EPN2: variants seen among roughly 807,000 people sequenced by gnomAD.
The protein encoded by EPN2 is epsin 2, also known as epsin-2.
Under a neutral mutation model 61.7 loss-of-function variants are expected in EPN2, and 34 were observed. That is an observed-to-expected ratio of 0.55 (90% CI 0.42 to 0.73). The LOEUF (loss-of-function observed/expected upper bound fraction) is 0.73. Ranked by LOEUF, EPN2 falls within the 30% of genes least tolerant of loss-of-function variation. EPN2 has a pLI of 0.00. For synonymous variants in EPN2, 349 were observed against 353.6 expected (o/e 0.99, Z 0.15); for missense variants, 714 against 839.2 (o/e 0.85, Z 1.84).
chr17:19,284,603 C>G (rs767114777), intron 3 of EPN2, among the ~76,000 whole-genome samples: 1 of 152,170 alleles, frequency 6.6e-6, no homozygotes, highest in Non-Finnish European at 1.5e-5. Context: ...AAGTGCAGAT[C>G]CCTAGTAACA....
At chr17:19,270,368 A>G (rs944544884) in intron 1 of EPN2, among the ~76,000 whole-genome samples, 2 of 152,204 alleles carry the variant, frequency 1.3e-5, no homozygotes, top group African/African-American at 4.8e-5. Context: ...ATGGTTTTGA[A>G]CAGGTTGTGT....
At chr17:19,294,325 G>A (rs1363886712) in intron 4 of EPN2, among the ~76,000 whole-genome samples, 1 of 152,164 alleles carries the variant, frequency 6.6e-6, no homozygotes, top group Non-Finnish European at 1.5e-5. Context: ...GGGCTGAGGT[G>A]GGAGGAATCG....
rs369549883 is a variant in EPN2 at position 19,326,321 on chromosome 17, G to A, written c.1148-2390G>A. ...ACAGAAGAGCAGAGGGCCAAGAATA[G>A]CCAAAACAAGATTGTGATTTGCTGT... On this transcript the variant is annotated intron_variant, in intron 7 of 10. Transcript: ENST00000314728. 2.6e-5 allele frequency among the ~76,000 whole-genome samples: 4 copies of A among 152,256 alleles called. No individual in the cohort carries two copies. In the East Asian group the frequency reaches 7.7e-4, roughly 29 times the overall value.
At chr17:19,266,442 GC>G (rs1275434406) in intron 1 of EPN2, among the ~76,000 whole-genome samples, 1 of 148,168 alleles carries the variant, frequency 6.7e-6, no homozygotes, top group Non-Finnish European at 1.5e-5. Context: ...TCGCTCTGTC[GC>G]CCAGGCTGGA....
At chr17:19,263,992 A>T (rs2045170625) in intron 1 of EPN2, among the ~76,000 whole-genome samples, 1 of 152,186 alleles carries the variant, frequency 6.6e-6, no homozygotes, top group South Asian at 2.1e-4. Flanking sequence ...CTCTCGGCAC[A>T]AGTTTCTAAA....
chr17:19,274,854 C>G (rs557234171), intron 1 of EPN2, among the ~76,000 whole-genome samples: 1 of 122,998 alleles, frequency 8.1e-6, no homozygotes, highest in South Asian at 3.2e-4. Context: ...GGGCATAACC[C>G]TAGCCTTGGA....
intron 1 of EPN2, among the ~76,000 whole-genome samples, chr17:19,254,275 C>T (rs1847590826): frequency 6.6e-6 from 1 of 152,028 alleles, no homozygotes; most frequent in Admixed American, 6.6e-5. Context: ...TGTAACAGAG[C>T]TCACGCCTGT....
chr17:19,269,999 T>C (rs940332040), intron 1 of EPN2, among the ~76,000 whole-genome samples: 1 of 152,176 alleles, frequency 6.6e-6, no homozygotes, highest in African/African-American at 2.4e-5. Flanking sequence ...CTACAAAGAA[T>C]GAGAATAAGA....
intron 4 of EPN2, among the ~76,000 whole-genome samples, chr17:19,294,560 CTG>C (rs575046704): frequency 8.7e-4 from 132 of 152,278 alleles, no homozygotes; most frequent in Admixed American, 6.2e-3. Flanking sequence ...TGTTTATAAA[CTG>C]TCAATAAGTG....
intron 9 of EPN2, among the ~76,000 whole-genome samples, chr17:19,331,368 C>A (rs1276279301): frequency 1.3e-5 from 2 of 152,174 alleles, no homozygotes; most frequent in Admixed American, 1.3e-4. Context: ...CGTGAAGCAT[C>A]CCGTCGTGGC....
Position 19,285,503 on chromosome 17 carries a change from C to G in EPN2, c.596-117C>G. On this transcript the variant is annotated intron_variant, in intron 3 of 10. Transcript: ENST00000314728. The surrounding 1 kb of genome is among the most constrained non-coding windows in gnomAD (Gnocchi z 4.5). ...TCAGTGGGCTTTTCACAGCTTCCAC[C>G]GCAGTGGGCTGCGGGGTTGACCCCG... 1 of 1,340,236 alleles carries G rather than the reference C, an allele frequency of 7.5e-7. No homozygotes were observed. The highest frequency in any genetic ancestry group is 9.6e-7 in the Non-Finnish European group (1 of 1,044,376). The allele number at this position is 1,340,236 out of a possible 1,614,324, so 83.0% of individuals were successfully genotyped here.
At chr17:19,324,923 C>T (rs1257211691) in intron 7 of EPN2, among the ~76,000 whole-genome samples, 1 of 152,134 alleles carries the variant, frequency 6.6e-6, no homozygotes, top group Non-Finnish European at 1.5e-5. Flanking sequence ...AATGAAACAG[C>T]ATAACTGCCG....
chr17:19,323,257 A>G (rs558954471), intron 7 of EPN2, among the ~76,000 whole-genome samples: 2 of 152,232 alleles, frequency 1.3e-5, no homozygotes, highest in Non-Finnish European at 2.9e-5. Context: ...AGGAAGAGAA[A>G]ATAAGAGGGC....
At chr17:19,333,856 C>T (rs1985577297) in intron 10 of EPN2, 100 bp from the exon 11 acceptor site, 10 of 1,001,604 alleles carry the variant, frequency 1.0e-5, no homozygotes, top group Non-Finnish European at 1.4e-5. Context: ...GCTCTGAGGG[C>T]ACAGCAGGGA....
chr17:19,316,563 T>C (rs532382110), intron 7 of EPN2, among the ~76,000 whole-genome samples: 1 of 152,386 alleles, frequency 6.6e-6, no homozygotes, highest in East Asian at 1.9e-4. Flanking sequence ...AATTCCAATA[T>C]GGAGAGATAG....
chr17:19,237,663 C>G (rs959490590), intron 1 of EPN2, 132 bp downstream of exon 1: 2 of 152,362 alleles, frequency 1.3e-5, no homozygotes, highest in Non-Finnish European at 2.9e-5. Flanking sequence ...GCATGCGCCC[C>G]TGCCGCCCCG....
chr17:19,295,246 T>G (rs1176385248), intron 4 of EPN2, among the ~76,000 whole-genome samples: 1 of 151,988 alleles, frequency 6.6e-6, no homozygotes, highest in Non-Finnish European at 1.5e-5. Flanking sequence ...CATGCATGAG[T>G]GCTAAATAAG....
rs149094904 is a variant in EPN2 at position 19,306,413 on chromosome 17, T to G, written c.767-3472T>G. On this transcript the variant is annotated intron_variant, in intron 4 of 10. Coordinates refer to ENST00000314728, the MANE Select transcript of EPN2 (RefSeq NM_014964.5). ...TGTTCAATGGTTGGTGGCCAAGAAT[T>G]CTGCCATCTGCAGAACTGAAAGCTG... is the stretch of plus-strand genomic sequence containing the variant. 1.3e-3 allele frequency among the ~76,000 whole-genome samples: 195 copies of G among 152,370 alleles called. 2 individuals carry two copies. The highest frequency in any genetic ancestry group is 4.5e-3 in the African/African-American group (187 of 41,586).
intron 7 of EPN2, among the ~76,000 whole-genome samples, chr17:19,321,880 C>A (rs1474010209): frequency 6.6e-6 from 1 of 152,174 alleles, no homozygotes; most frequent in African/African-American, 2.4e-5. Flanking sequence ...CTTCGGCTTG[C>A]AGTCAGCTCT....
Sources: gnomAD v4.1 joint callset for allele counts (sites outside exome capture counted in the v4.1 genomes callset) on GRCh38, gnomAD v4.1.1 for gene constraint, Gnocchi (gnomAD v3.1) non-coding constraint, MANE v1.5 for transcripts, NCBI Gene and HGNC (gene_info 2026-07-23, HGNC 2026-07-21) for gene names.